Variants in ATP2B2 observed in about 807,000 individuals in gnomAD.
The protein encoded by ATP2B2 is plasma membrane calcium-transporting ATPase 2.
A neutral mutation model predicts 120.0 loss-of-function variants in ATP2B2; 15 were observed. That is an observed-to-expected ratio of 0.12 (90% CI 0.08 to 0.19). The LOEUF is 0.19. Among genes scored for constraint, ATP2B2 ranks in the 10% least tolerant of loss-of-function variants. ATP2B2 has a pLI of 1.00. For synonymous variants in ATP2B2, 694 were observed against 700.3 expected (o/e 0.99, Z 0.14); for missense variants, 1,045 against 1,719.8 (o/e 0.61, Z 6.94).
chr3:10,455,303 G>C (rs1270632603), intron 1 of ATP2B2, among the ~76,000 whole-genome samples: 1 of 152,198 alleles, frequency 6.6e-6, no homozygotes, highest in Non-Finnish European at 1.5e-5. Context: ...GCATCAGAGT[G>C]AGGGTGAAGC....
At chr3:10,642,899 C>T (rs2070213239) in intron 1 of ATP2B2, among the ~76,000 whole-genome samples, 1 of 152,144 alleles carries the variant, frequency 6.6e-6, no homozygotes, top group African/African-American at 2.4e-5. Context: ...GGGGTGTGCT[C>T]GCCTGGTGCC....
intron 1 of ATP2B2, among the ~76,000 whole-genome samples, chr3:10,670,422 G>T (rs2125691067): frequency 6.6e-6 from 1 of 152,258 alleles, no homozygotes; most frequent in South Asian, 2.1e-4. Flanking sequence ...GTTTTTTGTT[G>T]TTGTTGTTGT....
At chr3:10,594,353 G>A (rs2068712236) in intron 2 of ATP2B2, among the ~76,000 whole-genome samples, 2 of 152,088 alleles carry the variant, frequency 1.3e-5, no homozygotes, top group South Asian at 2.1e-4. Flanking sequence ...TTAAGAAAAC[G>A]TGGCACATAT....
chr3:10,339,325 T>C (rs1396389312), intron 21 of ATP2B2, among the ~76,000 whole-genome samples: 1 of 152,196 alleles, frequency 6.6e-6, no homozygotes, highest in Non-Finnish European at 1.5e-5. Context: ...ATTTATCTTT[T>C]AGTTAATTTT....
chr3:10,468,962 T>A (rs1049974493), intron 1 of ATP2B2, among the ~76,000 whole-genome samples: 4 of 152,214 alleles, frequency 2.6e-5, no homozygotes, highest in Admixed American at 2.6e-4. Context: ...GAGGAATACC[T>A]GGAGCTATAA....
chr3:10,700,776 T>G (rs548030246), intron 1 of ATP2B2, among the ~76,000 whole-genome samples: 13 of 152,370 alleles, frequency 8.5e-5, no homozygotes, highest in African/African-American at 3.1e-4. Flanking sequence ...TGATGCTACA[T>G]GTCCATCATG....
chr3:10,501,026 G>A (rs535620176), intron 1 of ATP2B2, among the ~76,000 whole-genome samples: 5 of 152,240 alleles, frequency 3.3e-5, no homozygotes, highest in Admixed American at 2.6e-4. Flanking sequence ...GTGATGAGCC[G>A]GCCTGGGACC....
chr3:10,519,979 C>T (rs2066950488), intron 3 of ATP2B2, among the ~76,000 whole-genome samples: 2 of 152,164 alleles, frequency 1.3e-5, no homozygotes, highest in Non-Finnish European at 2.9e-5. Context: ...GACTTCACCT[C>T]CTCATACCCT....
At chr3:10,400,157 C>A (rs1344085253) in intron 5 of ATP2B2, among the ~76,000 whole-genome samples, 1 of 152,244 alleles carries the variant, frequency 6.6e-6, no homozygotes, top group Non-Finnish European at 1.5e-5. Flanking sequence ...GGTTTCCCCA[C>A]CTCTTCTCTG....
In ATP2B2 at chr3:10,625,920, G is replaced by T. The variant is rs553815521; in HGVS notation, c.-459-5959C>A. On this transcript the variant is annotated intron_variant, in intron 1 of 21. Transcript: ENST00000646379. Reference sequence around the variant, plus strand: ...ATCCACCCAGGATTTAATAGCATCAGCAGTCTGCCTTCTTTTTCTAAAGTT... The same window carrying T: ...ATCCACCCAGGATTTAATAGCATCATCAGTCTGCCTTCTTTTTCTAAAGTT... 11 of 152,362 alleles carry T rather than the reference G, an allele frequency of 7.2e-5. No individual in the cohort carries two copies. The South Asian group carries it at 8.3e-4, about 11-fold the overall frequency. The allele number at this position is 152,362 out of a possible 1,614,324, so 9.4% of individuals were successfully genotyped here.
intron 1 of ATP2B2, among the ~76,000 whole-genome samples, chr3:10,684,499 T>A (rs1472607159): frequency 2.6e-5 from 4 of 152,154 alleles, no homozygotes; most frequent in Non-Finnish European, 5.9e-5. Flanking sequence ...ACTGAAAGAG[T>A]CTTATTAAAC....
At chr3:10,556,854 G>T (rs558202881) in intron 2 of ATP2B2, among the ~76,000 whole-genome samples, 13 of 152,294 alleles carry the variant, frequency 8.5e-5, no homozygotes, top group African/African-American at 2.9e-4. Flanking sequence ...GCAACCCTCT[G>T]GGGTGGGTAC....
chr3:10,407,089 G>A (rs968683721), intron 3 of ATP2B2, among the ~76,000 whole-genome samples: 1 of 152,136 alleles, frequency 6.6e-6, no homozygotes, highest in East Asian at 1.9e-4. Flanking sequence ...TCCCCAGTGC[G>A]GGAAGCCTGA....
chr3:10,331,377 G>C (rs2059975088), intron 22 of ATP2B2, among the ~76,000 whole-genome samples: 4 of 152,240 alleles, frequency 2.6e-5, no homozygotes, highest in Admixed American at 2.6e-4. Flanking sequence ...GGTGCTCAGT[G>C]TGTTCTGAGG....
chr3:10,330,149 A>G lies in ATP2B2; in HGVS notation c.3421-1024T>C, dbSNP rs1210134957. 2.6e-5 allele frequency: 4 copies of G among 154,140 alleles called. No homozygotes were observed. The East Asian group carries it at 7.7e-4, about 30-fold the overall frequency. The allele number at this position is 154,140 out of a possible 1,614,324, so 9.5% of individuals were successfully genotyped here. The stretch of plus-strand genomic sequence containing the variant: ...TGTGGAACTGAGTCACAAAACAGCA[A>G]GTTCTTTCATTTTCTGTCTCAGTTG... On this transcript the variant is annotated intron_variant, in intron 22 of 22. Transcript: ENST00000360273.
At chr3:10,356,609 TG>T (rs2060738686) in intron 14 of ATP2B2, among the ~76,000 whole-genome samples, 2 of 151,654 alleles carry the variant, frequency 1.3e-5, no homozygotes, top group Admixed American at 1.3e-4. Context: ...CAAGGCAGGG[TG>T]GTGAGCCAGG....
chr3:10,495,863 G>T (rs2125384969), intron 1 of ATP2B2, among the ~76,000 whole-genome samples: 1 of 152,330 alleles, frequency 6.6e-6, no homozygotes, highest in African/African-American at 2.4e-5. Context: ...GTTATTCATG[G>T]CCTAGCCCCC....
At chr3:10,669,936 G>C (rs1159803893) in intron 1 of ATP2B2, among the ~76,000 whole-genome samples, 1 of 152,162 alleles carries the variant, frequency 6.6e-6, no homozygotes, top group East Asian at 1.9e-4. Context: ...GAAGCACTGG[G>C]CTGGCCATAG....
intron 2 of ATP2B2, among the ~76,000 whole-genome samples, chr3:10,562,055 C>A (rs867053847): frequency 1.3e-5 from 2 of 152,298 alleles, no homozygotes; most frequent in Admixed American, 1.3e-4. Flanking sequence ...GTGAGGAACT[C>A]GACAAGACAA....
Sources: gnomAD v4.1 joint callset for allele counts (sites outside exome capture counted in the v4.1 genomes callset) on GRCh38, gnomAD v4.1.1 for gene constraint, MANE v1.5 for transcripts, NCBI Gene and HGNC (gene_info 2026-07-23, HGNC 2026-07-21) for gene names.